Variants in BTBD10 observed in about 807,000 individuals in gnomAD.
BTBD10 encodes the protein BTB/POZ domain-containing protein 10.
In BTBD10, 21 loss-of-function variants were observed where a neutral mutation model predicts 53.2. That is an observed-to-expected ratio of 0.39 (90% CI 0.28 to 0.57). The LOEUF is 0.57. Among genes scored for constraint, BTBD10 ranks in the 20% least tolerant of loss-of-function variants. BTBD10 has a pLI of 0.53. For missense variants in BTBD10, 360 were observed against 594.7 expected (o/e 0.61, Z 4.10); for synonymous variants, 149 against 192.7 (o/e 0.77, Z 1.88).
intron 2 of BTBD10, among the ~76,000 whole-genome samples, chr11:13,428,879 T>C (rs1421453658): frequency 6.6e-6 from 1 of 152,006 alleles, no homozygotes; most frequent in Non-Finnish European, 1.5e-5. Context: ...TAGGCTCTAG[T>C]AAGAAAAAAA....
intron 1 of BTBD10, among the ~76,000 whole-genome samples, chr11:13,452,002 TAAC>T (rs1278942381): frequency 1.3e-5 from 2 of 151,204 alleles, no homozygotes; most frequent in African/African-American, 4.9e-5. Context: ...CATATGGAGA[TAAC>T]AAAAAAAACC....
At chr11:13,429,356 C>T (rs182583455) in intron 2 of BTBD10, among the ~76,000 whole-genome samples, 138 of 152,080 alleles carry the variant, frequency 9.1e-4, no homozygotes, top group Non-Finnish European at 7.5e-4. Context: ...TTTAAAAGAA[C>T]AGTTGGAAGA....
chr11:13,453,214 C>A (rs1419819008), intron 1 of BTBD10, among the ~76,000 whole-genome samples: 2 of 151,638 alleles, frequency 1.3e-5, no homozygotes, highest in Non-Finnish European at 2.9e-5. Context: ...TATTGTTAAG[C>A]TAAAAAGCAA....
At chr11:13,405,915 G>C in intron 6 of BTBD10, 59 bp from the exon 7 acceptor site, 1 of 1,526,094 alleles carries the variant, frequency 6.6e-7, no homozygotes, top group Non-Finnish European at 9.0e-7. Context: ...AGTTCTTTTA[G>C]AAATATAGAC....
chr11:13,409,904 G>A (rs907504257), intron 6 of BTBD10, among the ~76,000 whole-genome samples: 2 of 152,120 alleles, frequency 1.3e-5, no homozygotes, highest in African/African-American at 4.8e-5. Flanking sequence ...GAAGGAAGAG[G>A]GGACGAAAGG....
intron 2 of BTBD10, among the ~76,000 whole-genome samples, chr11:13,423,866 C>T (rs749504008): frequency 2.2e-4 from 34 of 151,990 alleles, no homozygotes; most frequent in Non-Finnish European, 4.0e-4. Context: ...AACCTAACAG[C>T]CTTTATCAGT....
rs535138500 is a variant in BTBD10, at chr11:13,453,803, C to T, written c.-57-8622G>A. On this transcript the variant is annotated intron_variant, in intron 1 of 8. Coordinates refer to ENST00000278174, the MANE Select transcript of BTBD10 (RefSeq NM_032320.7). Reference sequence around the variant, plus strand: ...GTGCGGTGGCTCACACCTGTAATCCCAGCACTTTGGGAGGCCGAGGCAGGT... The same window carrying T: ...GTGCGGTGGCTCACACCTGTAATCCTAGCACTTTGGGAGGCCGAGGCAGGT... 4.9e-4 allele frequency among the ~76,000 whole-genome samples: 74 copies of T among 152,206 alleles called. 1 individual carries two copies. Among genetic ancestry groups the T allele is most frequent in the Admixed American group, 4.8e-3 (74 of 15,294 alleles).
chr11:13,440,130 C>G, intron 2 of BTBD10: 1 of 1,509,668 alleles, frequency 6.6e-7, no homozygotes, highest in Non-Finnish European at 8.8e-7. Flanking sequence ...CTTCCTCCCT[C>G]TACTGTGTAA....
At chr11:13,443,909 G>A (rs912290992) in intron 2 of BTBD10, among the ~76,000 whole-genome samples, 1 of 151,782 alleles carries the variant, frequency 6.6e-6, no homozygotes, top group Non-Finnish European at 1.5e-5. Context: ...TAATCTAAAT[G>A]ACAAAATAAT....
At position 13,439,174 on chromosome 11, in the gene BTBD10, G is replaced by A. The variant is rs951782637; in HGVS notation, c.101+5850C>T. Among the ~76,000 whole-genome samples the A allele has an allele frequency of 2.0e-5, 3 of 151,962 alleles. No individual in the cohort carries two copies. The South Asian group carries it at 6.2e-4, about 31-fold the overall frequency. On this transcript the variant is annotated intron_variant, in intron 2 of 8. Transcript: ENST00000278174. ...CAGCAGGATAAGGGTAATAAAGAGA[G>A]AAGGAAAAAAACCATTAGTCAAAAT...
Position 13,388,687 on chromosome 11 carries a change from G to C in BTBD10, c.*144C>G. On this transcript the variant is annotated 3_prime_UTR_variant, in exon 9 of 9. Transcript: ENST00000278174. ...AAAAAAAACCATTCAGCTACCTTTG[G>C]TCTTTAAAAAAGCCTACACTGCAAT... 1.2e-6 allele frequency: 1 copy of C among 853,900 alleles called. No homozygotes were observed. The highest frequency in any genetic ancestry group is 1.8e-6 in the Non-Finnish European group (1 of 567,064). The allele number at this position is 853,900 out of a possible 1,614,324, so 52.9% of individuals were successfully genotyped here.
rs1415581497 is a variant in BTBD10, at chr11:13,396,687, T to C, written c.1117+6481A>G. Among the ~76,000 whole-genome samples the C allele has an allele frequency of 2.0e-5, 3 of 152,342 alleles. No individual in the cohort carries two copies. In the East Asian group the frequency reaches 5.8e-4, roughly 29 times the overall value. On this transcript the variant is annotated intron_variant, in intron 8 of 8. Coordinates refer to ENST00000278174, the MANE Select transcript of BTBD10 (RefSeq NM_032320.7). Reference sequence around the variant, plus strand: ...ATACTGGCTGTGGGTTTGTCATAGATAGCTCTTATTATTTTGAGATACGTT... The same window carrying C: ...ATACTGGCTGTGGGTTTGTCATAGACAGCTCTTATTATTTTGAGATACGTT...
At chr11:13,406,681 G>A (rs1284472125) in intron 6 of BTBD10, among the ~76,000 whole-genome samples, 9 of 151,604 alleles carry the variant, frequency 5.9e-5, no homozygotes, top group Non-Finnish European at 1.3e-4. Context: ...CTGGAGAAGG[G>A]GTGAAGGAAG....
intron 6 of BTBD10, among the ~76,000 whole-genome samples, chr11:13,408,780 C>G (rs1373459004): frequency 6.6e-6 from 1 of 152,182 alleles, no homozygotes; most frequent in Admixed American, 6.5e-5. Flanking sequence ...TGCTTCCACT[C>G]TAATCCAAGC....
At chr11:13,400,191 C>T (rs1225566160) in intron 8 of BTBD10, among the ~76,000 whole-genome samples, 3 of 152,252 alleles carry the variant, frequency 2.0e-5, no homozygotes, top group African/African-American at 7.2e-5. Flanking sequence ...GTGGTGGGCT[C>T]CACCCAGTTC....
chr11:13,446,775 AT>A (rs1388111487), intron 1 of BTBD10, among the ~76,000 whole-genome samples: 1 of 152,164 alleles, frequency 6.6e-6, no homozygotes, highest in African/African-American at 2.4e-5. Flanking sequence ...GAACATAAAA[AT>A]ATGTCAATGT....
At chr11:13,390,726 G>GA (rs1252495849) in intron 8 of BTBD10, among the ~76,000 whole-genome samples, 1 of 152,314 alleles carries the variant, frequency 6.6e-6, no homozygotes, top group African/African-American at 2.4e-5. Flanking sequence ...GTTAGAATCA[G>GA]AAAAAATAGA....
At chr11:13,405,917 A>G in intron 6 of BTBD10, 61 bp from the exon 7 acceptor site, 1 of 1,512,166 alleles carries the variant, frequency 6.6e-7, no homozygotes, top group Admixed American at 1.8e-5. Flanking sequence ...TTCTTTTAGA[A>G]ATATAGACTC....
chr11:13,429,815 G>A (rs1204885889), intron 2 of BTBD10, among the ~76,000 whole-genome samples: 2 of 152,140 alleles, frequency 1.3e-5, no homozygotes, highest in East Asian at 3.9e-4. Context: ...TTAAGAGAAT[G>A]AAAAGAGGCT....
Sources: gnomAD v4.1 joint callset for allele counts (sites outside exome capture counted in the v4.1 genomes callset) on GRCh38, gnomAD v4.1.1 for gene constraint, MANE v1.5 for transcripts, NCBI Gene and HGNC (gene_info 2026-07-23, HGNC 2026-07-21) for gene names.